Variants in FH observed in about 807,000 individuals in gnomAD.
FH encodes fumarate hydratase, also known as fumarate hydratase, mitochondrial.
FH carries 22 observed loss-of-function variants against 49.4 expected under a neutral mutation model. That is an observed-to-expected ratio of 0.45 (90% confidence interval 0.32 to 0.64). The LOEUF (loss-of-function observed/expected upper bound fraction) is 0.64. Among genes scored for constraint, FH ranks in the 30% least tolerant of loss-of-function variants. The pLI is 0.05. For missense variants in FH, 526 were observed against 641.5 expected (o/e 0.82, Z 1.95); for synonymous variants, 208 against 223.0 (o/e 0.93, Z 0.60).
chr1:241,511,199 C>T (rs773447708), intron 4 of FH, among the ~76,000 whole-genome samples: 4 of 152,128 alleles, frequency 2.6e-5, no homozygotes, highest in Non-Finnish European at 4.4e-5. Context: ...AGTGTCCTTA[C>T]GAAGAGACCC....
rs780001199 is a variant in FH, at chr1:241,508,668, ACT to A, written c.671_672del (p.Glu224ValfsTer25). On this transcript the variant is annotated frameshift_variant, in exon 5 of 10. Transcript: ENST00000366560. LOFTEE classifies it high-confidence loss of function. ...CGTCCAATCTTGATGATCTGTGCAA[ACT>A]CTTTGGATTTTGCATCAAGAGCATC... is the stretch of plus-strand genomic sequence containing the variant. Reference protein sequence around the residue: ...LHDALDAKSKEFAQIIKIGRT... With the variant: ...LHDALDAKSKXFAQIIKIGRT... The A allele has an allele frequency of 2.5e-6, 4 of 1,613,784 alleles. No individual in the cohort carries two copies. Among genetic ancestry groups the A allele is most frequent in the Non-Finnish European group, 8.5e-7 (1 of 1,179,860 alleles).
intron 5 of FH, among the ~76,000 whole-genome samples, chr1:241,507,649 C>A (rs1489897690): frequency 2.6e-5 from 4 of 151,860 alleles, no homozygotes; most frequent in Non-Finnish European, 5.9e-5. Flanking sequence ...GTTTTCAACA[C>A]CAAAAAAAGG....
At chr1:241,518,594 G>A (rs1486014283) in intron 1 of FH, among the ~76,000 whole-genome samples, 3 of 152,134 alleles carry the variant, frequency 2.0e-5, no homozygotes, top group African/African-American at 7.2e-5. Flanking sequence ...ATGAGCACTC[G>A]CTACATGGTA....
At position 241,513,598 on chromosome 1, in the gene FH, C is replaced by A; in HGVS notation, c.378+5G>T. ...TATTAAGCAAACACACTTATCACCT[C>A]CTACCTCATCTGCTGCCTTCATTAT... On this transcript the variant is annotated splice_donor_5th_base_variant and intron_variant, in intron 3 of 9. Transcript: ENST00000366560. 1 of 1,607,260 alleles carries A rather than the reference C, an allele frequency of 6.2e-7. No homozygotes were observed. The highest frequency in any genetic ancestry group is 2.2e-5 in the East Asian group (1 of 44,838).
intron 9 of FH, 62 bp downstream of exon 9, chr1:241,500,375 A>T: frequency 6.5e-7 from 1 of 1,538,154 alleles, no homozygotes; most frequent in Non-Finnish European, 9.0e-7. Flanking sequence ...CTTGTCTCTT[A>T]AAAATGGTTT....
chr1:241,515,587 G>C (rs560124966), intron 2 of FH, among the ~76,000 whole-genome samples: 8 of 151,936 alleles, frequency 5.3e-5, no homozygotes, highest in Non-Finnish European at 1.0e-4. Context: ...TACCTGTCAA[G>C]AGGCAGTCTT....
chr1:241,513,517 C>T, intron 3 of FH, 86 bp downstream of exon 3: 1 of 984,124 alleles, frequency 1.0e-6, no homozygotes, highest in Non-Finnish European at 1.6e-6. Context: ...ATTCACAGTT[C>T]CCCTTTCCTT....
At chr1:241,517,116 T>G (rs1660238896) in intron 2 of FH, 66 bp downstream of exon 2, 6 of 1,588,516 alleles carry the variant, frequency 3.8e-6, no homozygotes, top group Non-Finnish European at 3.5e-6. Flanking sequence ...ATTTATAAAG[T>G]AAAGTGACTC....
rs150762946 is a variant in FH at position 241,513,748 on chromosome 1, A to G, written c.268-35T>C. On this transcript the variant is annotated intron_variant, in intron 2 of 9. Coordinates refer to ENST00000366560, the MANE Select transcript of FH (RefSeq NM_000143.4). Reference sequence around the variant, plus strand: ...ATCAGAAAAATATTTCAAATTTACAATTTTACTTAAGCATGGAAGTTTATT... The same window carrying G: ...ATCAGAAAAATATTTCAAATTTACAGTTTTACTTAAGCATGGAAGTTTATT... The G allele has an allele frequency of 3.1e-5, 48 of 1,547,050 alleles. No individual in the cohort carries two copies. In the Admixed American group the frequency reaches 7.5e-4, roughly 24 times the overall value.
chr1:241,519,727 C>CCTCA lies in FH; in HGVS notation c.-6_-5insTGAG, dbSNP rs1660325712. ...GAGCCGAAGTGCTCGGTACATGGTG[C>CCTCA]TGAGGGAGCTTGGGTAGAATTTCTG... is the stretch of plus-strand genomic sequence containing the variant. On this transcript the variant is annotated 5_prime_UTR_variant, in exon 1 of 10. The change creates a new upstream start codon in the 5' untranslated region. Coordinates refer to ENST00000366560, the MANE Select transcript of FH (RefSeq NM_000143.4). 1.3e-6 allele frequency: 2 copies of CCTCA among 1,532,608 alleles called. No individual in the cohort carries two copies. The highest frequency in any genetic ancestry group is 2.4e-5 in the South Asian group (2 of 82,704). The allele number at this position is 1,532,608 out of a possible 1,614,324, so 94.9% of individuals were successfully genotyped here. A position where few individuals can be genotyped will look rare whatever the true frequency, so the allele number is the denominator to read the frequency against.
rs761373027 is a variant in FH, at chr1:241,500,421, T to C, written c.1390+16A>G. 2 of 1,612,060 alleles carry C rather than the reference T, an allele frequency of 1.2e-6. No homozygotes were observed. The highest frequency in any genetic ancestry group is 1.7e-6 in the Non-Finnish European group (2 of 1,178,286). On this transcript the variant is annotated intron_variant, in intron 9 of 9. Transcript: ENST00000366560. ...TTTTGCATTCAAAATGATATTATTA[T>C]TCCTTAAACACTTACCTATATGAGG... is the stretch of plus-strand genomic sequence containing the variant.
chr1:241,498,135 T>C (rs1351713126), intron 9 of FH, among the ~76,000 whole-genome samples, 165 bp from the exon 10 acceptor site: 1 of 152,222 alleles, frequency 6.6e-6, no homozygotes, highest in African/African-American at 2.4e-5. Flanking sequence ...TAATCATTTT[T>C]TATGTAGAAC....
Position 241,517,297 on chromosome 1 carries a change from C to T in FH, c.152G>A (p.Arg51Gln), listed in dbSNP as rs976734433. Residue 51 changes from arginine (R) to glutamine (Q), a missense_variant, in exon 2 of 10, where the codon CGG becomes CAG. Around this residue, in one of 2 missense-constraint regions of FH, gnomAD observed 143 missense variants for 127.5 expected, o/e 1.12. Transcript: ENST00000366560. ...AARMASQNSF[R>Q]IEYDTFGELK... ...TTCACCAAAGGTATCATATTCTATCCGGAAGGAATTTTGGCTTGCCTAAAG... is the reference window on the plus strand; with the variant it reads ...TTCACCAAAGGTATCATATTCTATCTGGAAGGAATTTTGGCTTGCCTAAAG... 6.2e-7 allele frequency: 1 copy of T among 1,613,972 alleles called. No individual in the cohort carries two copies. The highest frequency in any genetic ancestry group is 1.1e-5 in the South Asian group (1 of 91,070).
At chr1:241,509,555 A>G (rs1024943382) in intron 4 of FH, among the ~76,000 whole-genome samples, 4 of 152,140 alleles carry the variant, frequency 2.6e-5, no homozygotes, top group African/African-American at 9.7e-5. Context: ...AGGAGGATCA[A>G]TTGAGGCCAG....
rs1311166590 is a variant in FH at position 241,505,995 on chromosome 1, T to C, written c.904+8A>G. 2 of 1,613,266 alleles carry C rather than the reference T, an allele frequency of 1.2e-6. No individual in the cohort carries two copies. Among genetic ancestry groups the C allele is most frequent in the African/African-American group, 2.7e-5 (2 of 74,902 alleles). On this transcript the variant is annotated splice_region_variant and intron_variant, in intron 6 of 9. Transcript: ENST00000366560. ...TGAAAATGAGAAATAATTCACGTGA[T>C]CACTAACCTGTAAGTGCAGCCACTT...
chr1:241,518,189 G>A (rs1660269915), intron 1 of FH, among the ~76,000 whole-genome samples: 1 of 152,176 alleles, frequency 6.6e-6, no homozygotes, highest in Admixed American at 6.5e-5. Flanking sequence ...AAAACCAACA[G>A]AGATTTTGGA....
Position 241,507,256 on chromosome 1 carries a change from G to C in FH, c.739-1088C>G, listed in dbSNP as rs553033851. On this transcript the variant is annotated intron_variant, in intron 5 of 9. Transcript: ENST00000366560. Reference sequence around the variant, plus strand: ...ATCCAATGCAGTAACATGCTGCACAGATTTGTAGCCTAGGAGGAAAAGGCT... The same window carrying C: ...ATCCAATGCAGTAACATGCTGCACACATTTGTAGCCTAGGAGGAAAAGGCT... 4.6e-5 allele frequency among the ~76,000 whole-genome samples: 7 copies of C among 152,286 alleles called. No individual in the cohort carries two copies. In the East Asian group the frequency reaches 1.4e-3, roughly 29 times the overall value.
intron 6 of FH, among the ~76,000 whole-genome samples, chr1:241,504,683 C>T (rs1192590433): frequency 1.3e-5 from 2 of 151,976 alleles, no homozygotes; most frequent in Non-Finnish European, 2.9e-5. Context: ...CTCTAGCGAT[C>T]CACCCACCTT....
intron 9 of FH, among the ~76,000 whole-genome samples, chr1:241,500,058 AATGAGTTC>A (rs1164729026): frequency 1.6e-4 from 24 of 152,204 alleles, no homozygotes; most frequent in African/African-American, 5.8e-4. Context: ...AAGGTAGAAA[AATGAGTTC>A]ATTCAATGTT....
Sources: allele counts gnomAD v4.1 joint callset (sites outside exome capture counted in the v4.1 genomes callset), GRCh38; gene constraint gnomAD v4.1.1; regional missense constraint gnomAD v4.1.1; transcripts MANE v1.5; gene names NCBI Gene and HGNC (gene_info 2026-07-23, HGNC 2026-07-21).